Variants in MAP3K15 observed in about 807,000 individuals in gnomAD.
The protein encoded by MAP3K15 is mitogen-activated protein kinase kinase kinase 15.
In MAP3K15, 124 loss-of-function variants were observed where a neutral mutation model predicts 99.5. That is an observed-to-expected ratio of 1.25 (90% confidence interval 1.08 to 1.45). MAP3K15 has a LOEUF of 1.45. MAP3K15 is among the 40% of genes most tolerant of loss of function. MAP3K15 has a pLI of 0.00. For synonymous variants in MAP3K15, 494 were observed against 439.6 expected, an observed-to-expected ratio of 1.12 and a Z score of -1.55; for missense variants, 1,242 against 1,079.7, an observed-to-expected ratio of 1.15 and a Z score of -2.11.
At chrX:19,376,394 T>C (rs2063417624) in intron 19 of MAP3K15, among the ~76,000 whole-genome samples, 1 of 110,154 alleles carries the variant, frequency 9.1e-6, no homozygotes, top group South Asian at 3.9e-4. Context: ...CCCGAGGCAT[T>C]CCCCTGGGAA....
Position 19,379,133 on chromosome X carries a change from A to C in MAP3K15, c.2589+987T>G, listed in dbSNP as rs139637359. 5.9e-3 allele frequency among the ~76,000 whole-genome samples: 651 copies of C among 110,305 alleles called. 3 individuals are homozygous for C. The highest frequency in any genetic ancestry group is 7.9e-3 in the Non-Finnish European group (418 of 52,841). On this transcript the variant is annotated intron_variant, in intron 19 of 28. Transcript: ENST00000338883. ...TTAGAGCCTTGACTTGAGAGAACTT[A>C]TAACTTTAAGGTTCTTTCTCTGTCT...
intron 18 of MAP3K15, among the ~76,000 whole-genome samples, chrX:19,381,309 C>T (rs1032769186): frequency 5.4e-5 from 6 of 110,624 alleles, no homozygotes; most frequent in African/African-American, 9.9e-5. Flanking sequence ...CACCTGGGAG[C>T]GGAGAGGAAG....
intron 2 of MAP3K15, among the ~76,000 whole-genome samples, chrX:19,488,157 T>C (rs2064342192): frequency 8.9e-6 from 1 of 112,024 alleles, no homozygotes; most frequent in Admixed American, 9.6e-5. Context: ...AATATCAATA[T>C]CCACTGAATT....
intron 6 of MAP3K15, among the ~76,000 whole-genome samples, chrX:19,432,335 G>A (rs147911407): frequency 0.016 from 1,797 of 110,719 alleles, 41 homozygotes; most frequent in African/African-American, 0.056. Flanking sequence ...AGGCCAAGGC[G>A]GGTGGATCAC....
intron 16 of MAP3K15, among the ~76,000 whole-genome samples, chrX:19,393,760 C>CTTTTTTTTTTTTTTTTTT (rs761246318): frequency 1.7e-5 from 1 of 60,243 alleles, no homozygotes; most frequent in African/African-American, 7.7e-5. Flanking sequence ...CTGCCTGGCT[C>CTTTTTTTTTTTTTTTTTT]TTTTTTTTTT....
intron 28 of MAP3K15, 176 bp from the exon 29 acceptor site, chrX:19,361,009 G>A: frequency 7.0e-6 from 3 of 426,458 alleles, no homozygotes; most frequent in Non-Finnish European, 8.0e-6. Flanking sequence ...CCTGCAGAGA[G>A]CTGGCTATTT....
intron 13 of MAP3K15, 129 bp downstream of exon 13, chrX:19,407,059 C>T (rs1035267923): frequency 7.1e-6 from 3 of 422,426 alleles, no homozygotes; most frequent in Non-Finnish European, 7.8e-6. Context: ...AATTTTAGAG[C>T]TTTTTTGAGA....
At chrX:19,446,908 T>G (rs1050945647) in intron 6 of MAP3K15, among the ~76,000 whole-genome samples, 5 of 111,165 alleles carry the variant, frequency 4.5e-5, no homozygotes, top group African/African-American at 1.6e-4. Context: ...GGTAATTTAT[T>G]TTTTAAACTT....
intron 10 of MAP3K15, 89 bp from the exon 11 acceptor site, chrX:19,413,553 A>G: frequency 5.2e-6 from 3 of 573,362 alleles, no homozygotes; most frequent in Non-Finnish European, 5.3e-6. Context: ...TCCGTACTCA[A>G]TATATCCTCA....
At chrX:19,472,539 A>T (rs771681845) in intron 3 of MAP3K15, among the ~76,000 whole-genome samples, 85 of 111,585 alleles carry the variant, frequency 7.6e-4, no homozygotes, top group Non-Finnish European at 1.4e-3. Flanking sequence ...TATTGGAATA[A>T]GGAAATGACA....
intron 6 of MAP3K15, among the ~76,000 whole-genome samples, chrX:19,452,383 GAAAAGAGAAA>G (rs2064059789): frequency 3.7e-5 from 1 of 26,988 alleles, no homozygotes; most frequent in African/African-American, 2.1e-4. Flanking sequence ...AGAGAGAAAA[GAAAAGAGAAA>G]AGAAAAGAAA....
intron 18 of MAP3K15, among the ~76,000 whole-genome samples, chrX:19,380,715 G>A (rs1364483869): frequency 1.6e-4 from 18 of 112,140 alleles, no homozygotes; most frequent in Non-Finnish European, 5.6e-5. Context: ...TAGTAGAGAC[G>A]AGGTTTTACC....
intron 3 of MAP3K15, among the ~76,000 whole-genome samples, chrX:19,485,922 T>C (rs968060525): frequency 9.0e-6 from 1 of 111,554 alleles, no homozygotes; most frequent in African/African-American, 3.3e-5. Flanking sequence ...GGTGATTTCA[T>C]TATACTATTC....
intron 18 of MAP3K15, among the ~76,000 whole-genome samples, chrX:19,382,282 G>T (rs111590367): frequency 2.8e-5 from 3 of 105,323 alleles, no homozygotes; most frequent in South Asian, 4.4e-4. Context: ...AGCAAAGGGC[G>T]CACTGGCTAT....
At chrX:19,381,263 G>A (rs2063456189) in intron 18 of MAP3K15, among the ~76,000 whole-genome samples, 1 of 111,929 alleles carries the variant, frequency 8.9e-6, no homozygotes, top group African/African-American at 3.2e-5. Flanking sequence ...GGAGCAGGGT[G>A]GGCAGGGCCG....
intron 3 of MAP3K15, among the ~76,000 whole-genome samples, chrX:19,486,044 C>T (rs1173925922): frequency 8.9e-6 from 1 of 111,785 alleles, no homozygotes; most frequent in Non-Finnish European, 1.9e-5. Flanking sequence ...ACTTCTTTTC[C>T]GTTTGTGGCA....
chrX:19,379,978 A>G, intron 19 of MAP3K15, 142 bp downstream of exon 19: 1 of 635,606 alleles, frequency 1.6e-6, no homozygotes, highest in Non-Finnish European at 2.3e-6. Context: ...TGCACCTCGC[A>G]TTCTGGTTTA....
intron 1 of MAP3K15, among the ~76,000 whole-genome samples, chrX:19,504,112 C>T (rs2064458561): frequency 1.3e-5 from 1 of 75,488 alleles, no homozygotes; most frequent in African/African-American, 5.3e-5. Flanking sequence ...GAGCAAGACC[C>T]TGTGGGAGGG....
At chrX:19,433,986 G>C (rs997513905) in intron 6 of MAP3K15, among the ~76,000 whole-genome samples, 44 of 111,095 alleles carry the variant, frequency 4.0e-4, no homozygotes, top group African/African-American at 1.4e-3. Context: ...TTACCCAGAG[G>C]AACATCCGTA....
Sources: gnomAD v4.1 joint callset for allele counts (sites outside exome capture counted in the v4.1 genomes callset) on GRCh38, gnomAD v4.1.1 for gene constraint, MANE v1.5 for transcripts, NCBI Gene and HGNC (gene_info 2026-07-23, HGNC 2026-07-21) for gene names.